The following COL21A1 variants were observed in gnomAD, a reference collection of about 807,000 sequenced individuals.
The protein encoded by COL21A1 is collagen alpha-1(XXI) chain.
COL21A1 carries 149 observed loss-of-function variants against 137.9 expected under a neutral mutation model. That is an observed-to-expected ratio of 1.08 (90% CI 0.95 to 1.24). The LOEUF is 1.24. Ranked by LOEUF, COL21A1 falls within the 50% of genes most tolerant of loss-of-function variation. The pLI is 0.00. For missense variants in COL21A1, 1,167 were observed against 1,158.4 expected (o/e 1.01, Z -0.11); for synonymous variants, 456 against 391.5 (o/e 1.16, Z -1.95).
intron 1 of COL21A1, among the ~76,000 whole-genome samples, chr6:56,217,257 A>C (rs950871637): frequency 2.0e-5 from 3 of 152,054 alleles, no homozygotes; most frequent in African/African-American, 7.2e-5. Flanking sequence ...ACCAATAAAT[A>C]AGGAGGACTC....
chr6:56,175,938 G>A (rs1211758690), intron 3 of COL21A1, among the ~76,000 whole-genome samples: 2 of 151,980 alleles, frequency 1.3e-5, no homozygotes, highest in Non-Finnish European at 2.9e-5. Flanking sequence ...CAAACATATA[G>A]ACAAATGGAA....
chr6:56,356,391 T>C (rs1346858225), intron 1 of COL21A1, among the ~76,000 whole-genome samples: 1 of 152,150 alleles, frequency 6.6e-6, no homozygotes, highest in Non-Finnish European at 1.5e-5. Context: ...GCAACATCCT[T>C]GGCCTCTACC....
At chr6:56,265,280 A>C (rs1443277622) in intron 1 of COL21A1, among the ~76,000 whole-genome samples, 1 of 152,212 alleles carries the variant, frequency 6.6e-6, no homozygotes, top group Admixed American at 6.5e-5. Context: ...AACAGATGCC[A>C]AGTGGGGAGT....
intron 1 of COL21A1, among the ~76,000 whole-genome samples, chr6:56,218,760 G>A (rs141487401): frequency 3.9e-5 from 6 of 152,118 alleles, no homozygotes; most frequent in African/African-American, 7.2e-5. Flanking sequence ...CACCAACAAC[G>A]CATTTGGCCC....
At chr6:56,321,476 C>A (rs1233862502) in intron 1 of COL21A1, among the ~76,000 whole-genome samples, 1 of 152,132 alleles carries the variant, frequency 6.6e-6, no homozygotes, top group African/African-American at 2.4e-5. Context: ...CTTTAGTGGG[C>A]ATTTCTCACT....
intron 1 of COL21A1, among the ~76,000 whole-genome samples, chr6:56,305,294 C>G (rs1301334148): frequency 6.6e-6 from 1 of 152,098 alleles, no homozygotes; most frequent in African/African-American, 2.4e-5. Context: ...TCCTTGTCAA[C>G]TTTCTGTCTC....
At chr6:56,138,415 G>A (rs1774163188) in intron 12 of COL21A1, among the ~76,000 whole-genome samples, 1 of 151,656 alleles carries the variant, frequency 6.6e-6, no homozygotes, top group Non-Finnish European at 1.5e-5. Context: ...AAGAGGACAG[G>A]GCTGAATCCT....
chr6:56,092,889 T>TC (rs745971340), intron 17 of COL21A1, among the ~76,000 whole-genome samples: 4 of 152,136 alleles, frequency 2.6e-5, no homozygotes, highest in Non-Finnish European at 5.9e-5. Context: ...GGGCTGTGTG[T>TC]CCCCCAGAAG....
At chr6:56,186,357 T>C (rs1008530878) in intron 1 of COL21A1, among the ~76,000 whole-genome samples, 1 of 152,208 alleles carries the variant, frequency 6.6e-6, no homozygotes, top group Non-Finnish European at 1.5e-5. Flanking sequence ...AACCTATGAA[T>C]GTGAATGCTG....
intron 1 of COL21A1, among the ~76,000 whole-genome samples, chr6:56,274,260 A>G (rs957401516): frequency 1.3e-5 from 2 of 152,190 alleles, no homozygotes; most frequent in Admixed American, 1.3e-4. Flanking sequence ...AGGCAACATC[A>G]TACAGAATGG....
intron 1 of COL21A1, among the ~76,000 whole-genome samples, chr6:56,227,017 A>T (rs1417239702): frequency 4.6e-5 from 7 of 152,088 alleles, no homozygotes; most frequent in African/African-American, 1.4e-4. Flanking sequence ...GTGCCATGAC[A>T]GGTCCTCAAA....
intron 9 of COL21A1, among the ~76,000 whole-genome samples, chr6:56,160,868 A>G (rs926534): frequency 0.58 from 88,277 of 152,028 alleles, 25,993 homozygotes; most frequent in East Asian, 0.79. Flanking sequence ...ACTTCATATA[A>G]GTCCAAATAC....
At chr6:56,154,832 C>T (rs1338883192) in intron 10 of COL21A1, among the ~76,000 whole-genome samples, 1 of 152,136 alleles carries the variant, frequency 6.6e-6, no homozygotes, top group East Asian at 1.9e-4. Flanking sequence ...CACCTTAGCT[C>T]TCTGCATTTC....
At chr6:56,250,287 T>C (rs1160207080), upstream of COL21A1, among the ~76,000 whole-genome samples, 1 of 152,210 alleles carries the variant, frequency 6.6e-6, no homozygotes, top group Non-Finnish European at 1.5e-5. Flanking sequence ...GAATTAACAT[T>C]AAGAGAGACT....
chr6:56,367,088 G>C (rs959267994), intron 1 of COL21A1, among the ~76,000 whole-genome samples: 1 of 152,140 alleles, frequency 6.6e-6, no homozygotes, highest in African/African-American at 2.4e-5. Context: ...TGGCTCATCA[G>C]AAACATGTTA....
chr6:56,164,099 C>T (rs1333938672), intron 9 of COL21A1, among the ~76,000 whole-genome samples: 1 of 152,090 alleles, frequency 6.6e-6, no homozygotes, highest in African/African-American at 2.4e-5. Context: ...CACAAATGCC[C>T]TTTCTTCATT....
chr6:56,097,384 TG>T (rs1769428137), intron 17 of COL21A1, among the ~76,000 whole-genome samples: 1 of 152,128 alleles, frequency 6.6e-6, no homozygotes, highest in African/African-American at 2.4e-5. Context: ...TCTATCTTTT[TG>T]AACTTGGTAA....
At chr6:56,314,172 G>A (rs1031984684) in intron 1 of COL21A1, among the ~76,000 whole-genome samples, 16 of 152,062 alleles carry the variant, frequency 1.1e-4, no homozygotes, top group African/African-American at 2.7e-4. Context: ...TTTAGTAGAG[G>A]CAGGGTTTCA....
chr6:56,070,743 A>G lies in COL21A1; in HGVS notation c.2019+2T>C, dbSNP rs1186126193. ...AAATATTTTCAAATGCATCAAAATT[A>G]CCTTGAGCCCAGAAGCCCCAGGCAT... On this transcript the variant is annotated splice_donor_variant, in intron 21 of 29. Transcript: ENST00000244728. LOFTEE classifies it high-confidence loss of function. The G allele has an allele frequency of 1.3e-6, 2 of 1,578,720 alleles. No individual in the cohort carries two copies. Among genetic ancestry groups the G allele is most frequent in the Non-Finnish European group, 1.7e-6 (2 of 1,166,700 alleles).
Sources: allele counts gnomAD v4.1 joint callset (sites outside exome capture counted in the v4.1 genomes callset), GRCh38; gene constraint gnomAD v4.1.1; transcripts MANE v1.5; gene names NCBI Gene and HGNC (gene_info 2026-07-23, HGNC 2026-07-21).